The following HEATR5B variants were observed in gnomAD, a reference collection of about 807,000 sequenced individuals.
The protein encoded by HEATR5B is HEAT repeat-containing protein 5B.
In HEATR5B, 156 loss-of-function variants were observed where a neutral mutation model predicts 224.1. The ratio of observed to expected loss-of-function variants is 0.70; its 90% CI spans 0.61 to 0.80. The LOEUF (loss-of-function observed/expected upper bound fraction) is 0.80. Ranked by LOEUF, HEATR5B falls within the 30% of genes least tolerant of loss-of-function variation. The pLI is 0.00. For missense variants in HEATR5B, 2,323 were observed against 2,535.5 expected (o/e 0.92, Z 1.80); for synonymous variants, 1,027 against 893.0 (o/e 1.15, Z -2.68).
At position 37,000,753 on chromosome 2, in the gene HEATR5B, G is replaced by A. The variant is rs776925370; in HGVS notation, c.5378C>T (p.Ala1793Val). ...AACCTGATTATCTGCAGACTTTATTGCTGTGTCTTTCAATATTCTTGCAAT... is the reference window on the plus strand; with the variant it reads ...AACCTGATTATCTGCAGACTTTATTACTGTGTCTTTCAATATTCTTGCAAT... ...FLIARILKDT[A>V]IKSADNQVPP... The change falls in exon 33 of 36, where the codon GCA becomes GTA. Residue 1793 changes from alanine (A) to valine (V), a missense_variant. Coordinates refer to ENST00000233099, the MANE Select transcript of HEATR5B (RefSeq NM_019024.3). 6.2e-7 allele frequency: 1 copy of A among 1,614,122 alleles called. No homozygotes were observed. Among genetic ancestry groups the A allele is most frequent in the Non-Finnish European group, 8.5e-7 (1 of 1,179,966 alleles).
At chr2:37,008,418 A>G in intron 28 of HEATR5B, 193 bp downstream of exon 28, 1 of 596,724 alleles carries the variant, frequency 1.7e-6, no homozygotes, top group Non-Finnish European at 3.0e-6. Flanking sequence ...GCTTCAGCCA[A>G]CAAAAAAGCT....
rs774542523 is a variant in HEATR5B at position 37,068,775 on chromosome 2, T to C, written c.1083A>G (p.Leu361=). Reference sequence around the variant, plus strand: ...CTAGCAAACTGCCCACAGTAGCTCTTAGGATAAAGGAAACACATCGTCTGG... The same window carrying C: ...CTAGCAAACTGCCCACAGTAGCTCTCAGGATAAAGGAAACACATCGTCTGG... The part of the protein sequence containing the change: ...VYSRRCVSFI[L]RATVGSLLGE... Residue 361 remains leucine, a synonymous_variant, in exon 8 of 36, where the codon CTA becomes CTG. Coordinates refer to ENST00000233099, the MANE Select transcript of HEATR5B (RefSeq NM_019024.3). 18 of 1,614,014 alleles carry C rather than the reference T, an allele frequency of 1.1e-5. No individual in the cohort carries two copies. Among genetic ancestry groups the C allele is most frequent in the Non-Finnish European group, 1.4e-5 (16 of 1,180,038 alleles).
intron 5 of HEATR5B, 150 bp downstream of exon 5, chr2:37,075,335 G>A: frequency 1.8e-6 from 1 of 549,390 alleles, no homozygotes; most frequent in Non-Finnish European, 3.1e-6. Context: ...TACATCTCAT[G>A]ATGTGATACT....
chr2:37,030,684 C>T (rs1231150211), intron 22 of HEATR5B, among the ~76,000 whole-genome samples: 1 of 152,164 alleles, frequency 6.6e-6, no homozygotes, highest in East Asian at 1.9e-4. Context: ...ATCTTGATCA[C>T]TTTTATAGAA....
chr2:37,005,262 T>A (rs1667339481), intron 30 of HEATR5B, among the ~76,000 whole-genome samples: 1 of 152,184 alleles, frequency 6.6e-6, no homozygotes, highest in Non-Finnish European at 1.5e-5. Flanking sequence ...CCTCACTAAT[T>A]CCTCTTGAAG....
rs765180566 is a variant in HEATR5B at position 37,061,984 on chromosome 2, G to T, written c.1651C>A (p.Arg551Ser). 1.2e-6 allele frequency: 2 copies of T among 1,613,700 alleles called. No homozygotes were observed. The highest frequency in any genetic ancestry group is 1.7e-6 in the Non-Finnish European group (2 of 1,179,714). Residue 551 changes from arginine to serine, a missense_variant, in exon 11 of 36, where the codon CGC (arginine) becomes AGC (serine). Coordinates refer to ENST00000233099, the MANE Select transcript of HEATR5B (RefSeq NM_019024.3). Reference protein sequence around the residue: ...AAQNSRLSLQRTQAGWLLLGA... With the variant: ...AAQNSRLSLQSTQAGWLLLGA... ...AGTAAAAGCCAGCCAGCTTGGGTGC[G>T]CTGTAAAGATAGCCTGCTATTTTGG...
chr2:36,992,352 G>C (rs2148340549), intron 33 of HEATR5B, among the ~76,000 whole-genome samples: 2 of 152,266 alleles, frequency 1.3e-5, no homozygotes, highest in Middle Eastern at 6.8e-3. Flanking sequence ...AAACTGAATT[G>C]GGAGGACTGC....
intron 16 of HEATR5B, among the ~76,000 whole-genome samples, chr2:37,054,331 G>A (rs1051430259): frequency 1.5e-4 from 22 of 147,804 alleles, no homozygotes; most frequent in Non-Finnish European, 2.1e-4. Flanking sequence ...AGTAGCATGC[G>A]CCACCACGCC....
At chr2:37,036,193 C>A (rs1029962376) in intron 21 of HEATR5B, among the ~76,000 whole-genome samples, 1 of 152,124 alleles carries the variant, frequency 6.6e-6, no homozygotes, top group African/African-American at 2.4e-5. Context: ...TATGTCACTC[C>A]CCTGCAGAGA....
chr2:37,049,824 C>T lies in HEATR5B; in HGVS notation c.2525G>A (p.Ser842Asn), dbSNP rs1357068626. 2 of 1,216,532 alleles carry T rather than the reference C, an allele frequency of 1.6e-6. No homozygotes were observed. The highest frequency in any genetic ancestry group is 2.2e-6 in the Non-Finnish European group (2 of 890,478). The allele number at this position is 1,216,532 out of a possible 1,614,324, so 75.4% of individuals were successfully genotyped here. ...SALKGLAENKSTLGPEEVRKS... is the reference protein window; with the variant it reads ...SALKGLAENKNTLGPEEVRKS... The stretch of plus-strand genomic sequence containing the variant: ...ACGAACTTCCTCAGGTCCTAAAGTA[C>T]TTTTGTTTTCAGCTAAGCCCTACAT... Residue 842 changes from serine (S) to asparagine (N), a missense_variant, in exon 18 of 36, where the codon AGT becomes AAT. This residue lies in a region of HEATR5B where 170 missense variants were observed against 216.7 expected (regional missense o/e 0.78). Transcript: ENST00000233099.
chr2:37,018,265 C>G (rs10865119), intron 26 of HEATR5B, among the ~76,000 whole-genome samples: 1 of 151,912 alleles, frequency 6.6e-6, no homozygotes. Context: ...ATACAAGATA[C>G]AATTCTAATA....
Position 37,058,934 on chromosome 2 carries a change from G to C in HEATR5B, c.1903C>G (p.Arg635Gly), listed in dbSNP as rs776521212. 2 of 1,611,016 alleles carry C rather than the reference G, an allele frequency of 1.2e-6. No homozygotes were observed. Among genetic ancestry groups the C allele is most frequent in the Non-Finnish European group, 1.7e-6 (2 of 1,178,262 alleles). Residue 635 changes from arginine to glycine, a missense_variant, in exon 13 of 36, where the codon CGA becomes GGA. Physicochemically the swap from Arg to Gly is moderately radical, Grantham distance 125. This residue lies in a region of HEATR5B where 502 missense variants were observed against 517.8 expected (regional missense o/e 0.97). Transcript: ENST00000233099. ...CATTCAATAGGGGTCATCAATTTTC[G>C]AATCACATCTTCAGTTAGTAGCTCA... ...CPELLTEDVI[R>G]KLMTPIECAM...
intron 7 of HEATR5B, 61 bp downstream of exon 7, chr2:37,070,169 G>C (rs1671821956): frequency 6.5e-7 from 1 of 1,530,072 alleles, no homozygotes; most frequent in Non-Finnish European, 9.0e-7. Flanking sequence ...AAAAATGCTG[G>C]GATTACAGGC....
intron 2 of HEATR5B, among the ~76,000 whole-genome samples, chr2:37,081,218 CA>C (rs1384810592): frequency 2.6e-5 from 4 of 152,036 alleles, no homozygotes; most frequent in African/African-American, 9.7e-5. Context: ...CAAGTGAATC[CA>C]TGCATTGTTT....
rs1275046366 is a variant in HEATR5B, at chr2:37,076,802, G to C, written c.447+109C>G. 4.0e-6 allele frequency: 3 copies of C among 746,532 alleles called. No homozygotes were observed. In the African/African-American group the frequency reaches 5.3e-5, roughly 13 times the overall value. The allele number at this position is 746,532 out of a possible 1,614,324, so 46.2% of individuals were successfully genotyped here. A position where few individuals can be genotyped will look rare whatever the true frequency, so the allele number is the denominator to read the frequency against. On this transcript the variant is annotated intron_variant, in intron 4 of 35. Transcript: ENST00000233099. ...AGTAATAATTTGTAATTACCTCCTT[G>C]CTAAGCAATATGAGACCACAGTGAC...
At position 37,084,361 on chromosome 2, in the gene HEATR5B, A is replaced by G. The variant is rs573815752; in HGVS notation, c.-115T>C. The G allele has an allele frequency of 2.2e-3, 1,146 of 510,130 alleles. 2 individuals are homozygous for G. Among genetic ancestry groups the G allele is most frequent in the Non-Finnish European group, 2.0e-3 (663 of 328,644 alleles). 31.6% of individuals were successfully genotyped at this position (510,130 alleles called of 1,614,324 possible). On this transcript the variant is annotated 5_prime_UTR_variant, in exon 1 of 36. Transcript: ENST00000233099. ...CCCCACCTCCCGCACTCCTACCTGC[A>G]GGAAACAAGGGAAGAGCGCTTGCGC...
intron 5 of HEATR5B, among the ~76,000 whole-genome samples, chr2:37,073,726 C>G (rs183406549): frequency 6.6e-6 from 1 of 152,288 alleles, no homozygotes; most frequent in Non-Finnish European, 1.5e-5. Flanking sequence ...GATGGCAATT[C>G]TCTCCAAATT....
chr2:37,060,640 G>A lies in HEATR5B; in HGVS notation c.1790C>T (p.Ala597Val), dbSNP rs777114943. Residue 597 changes from alanine to valine, a missense_variant, in exon 12 of 36, where the codon GCC becomes GTC. Ala to Val is a moderately conservative substitution (Grantham distance 64, BLOSUM62 0). Around this residue, in one of 12 missense-constraint regions of HEATR5B, gnomAD observed 502 missense variants for 517.8 expected, o/e 0.97. Coordinates refer to ENST00000233099, the MANE Select transcript of HEATR5B (RefSeq NM_019024.3). ...RSLKELEAEK[A>V]RGDSFTWQVT... ...CTGCCAGGTAAAAGAATCGCCTCGG[G>A]CCTTCTCAGCTTCCAATTCCTTTAA... 2.2e-5 allele frequency: 35 copies of A among 1,613,794 alleles called. No individual in the cohort carries two copies. The highest frequency in any genetic ancestry group is 2.8e-5 in the Non-Finnish European group (33 of 1,179,932).
At chr2:37,024,777 A>C (rs547079567) in intron 24 of HEATR5B, among the ~76,000 whole-genome samples, 1 of 152,334 alleles carries the variant, frequency 6.6e-6, no homozygotes, top group African/African-American at 2.4e-5. Context: ...CTAGGACTAT[A>C]TCAATCTACC....
Sources: gnomAD v4.1 joint callset for allele counts (sites outside exome capture counted in the v4.1 genomes callset) on GRCh38, gnomAD v4.1.1 for gene constraint, gnomAD v4.1.1 regional missense constraint, MANE v1.5 for transcripts, NCBI Gene and HGNC (gene_info 2026-07-23, HGNC 2026-07-21) for gene names.